The following NPHP1 variants were observed in gnomAD, a reference collection of about 807,000 sequenced individuals.
NPHP1 encodes nephrocystin 1, also known as nephrocystin-1.
Under a neutral mutation model 90.4 loss-of-function variants are expected in NPHP1, and 70 were observed. That is an observed-to-expected ratio of 0.77 (90% CI 0.64 to 0.95). NPHP1 has a LOEUF of 0.95. Ranked by LOEUF, NPHP1 falls within the 40% of genes least tolerant of loss-of-function variation. The probability of loss-of-function intolerance (pLI) is 0.00; values close to 1 mark genes in which losing one functional copy is unlikely to be tolerated. For missense variants in NPHP1, 764 were observed against 795.9 expected (o/e 0.96, Z 0.48); for synonymous variants, 256 against 271.7 (o/e 0.94, Z 0.57).
chr2:110,162,984 A>C, intron 9 of NPHP1, 64 bp downstream of exon 9: 1 of 1,117,716 alleles, frequency 8.9e-7, no homozygotes, highest in Non-Finnish European at 1.4e-6. Context: ...CTGTGACAGA[A>C]AAATTAGACG....
chr2:110,156,137 T>C (rs973182943), intron 11 of NPHP1, among the ~76,000 whole-genome samples: 2 of 151,132 alleles, frequency 1.3e-5, no homozygotes, highest in Non-Finnish European at 2.9e-5. Context: ...AGTGACATGA[T>C]CTCGGCTCAC....
chr2:110,201,623 G>A (rs1000285782), intron 1 of NPHP1, 129 bp from the exon 2 acceptor site: 1 of 685,686 alleles, frequency 1.5e-6, no homozygotes, highest in Non-Finnish European at 2.5e-6. Context: ...AAATTTTACA[G>A]TGAAAACCCA....
chr2:110,170,632 G>T (rs1683059538), intron 4 of NPHP1, among the ~76,000 whole-genome samples: 1 of 152,116 alleles, frequency 6.6e-6, no homozygotes, highest in African/African-American at 2.4e-5. Flanking sequence ...GGAGCTTGCA[G>T]TGAGACAATC....
At chr2:110,204,188 C>G (rs1685761408) in intron 1 of NPHP1, among the ~76,000 whole-genome samples, 1 of 152,166 alleles carries the variant, frequency 6.6e-6, no homozygotes, top group Admixed American at 6.5e-5. Context: ...AGCTGCTTTC[C>G]TGAAATGCTG....
intron 16 of NPHP1, among the ~76,000 whole-genome samples, chr2:110,135,944 T>A (rs1038653923): frequency 6.6e-6 from 1 of 152,162 alleles, no homozygotes; most frequent in African/African-American, 2.4e-5. Flanking sequence ...TAATTAAGCT[T>A]CATGGAATGC....
intron 12 of NPHP1, among the ~76,000 whole-genome samples, chr2:110,148,523 T>TAGCGTTTTTTAC (rs1681235014): frequency 1.3e-5 from 2 of 152,148 alleles, no homozygotes; most frequent in African/African-American, 4.8e-5. Context: ...AGTTTATGCC[T>TAGCGTTTTTTAC]TTGCATTATA....
chr2:110,154,393 A>G (rs1277300515), intron 11 of NPHP1, among the ~76,000 whole-genome samples: 1 of 152,172 alleles, frequency 6.6e-6, no homozygotes, highest in Non-Finnish European at 1.5e-5. Flanking sequence ...TGGGACCAGG[A>G]GTAGGGTGTT....
chr2:110,181,233 G>T (rs1312193045), intron 2 of NPHP1, among the ~76,000 whole-genome samples: 3 of 152,146 alleles, frequency 2.0e-5, no homozygotes, highest in Non-Finnish European at 4.4e-5. Flanking sequence ...AATACAAATG[G>T]TCCAGAAGAA....
At position 110,168,592 on chromosome 2, in the gene NPHP1, C is replaced by T. The variant is rs759253223; in HGVS notation, c.523-39G>A. 4 of 1,349,912 alleles carry T rather than the reference C, an allele frequency of 3.0e-6. No individual in the cohort carries two copies. The East Asian group carries it at 9.2e-5, about 31-fold the overall frequency. 83.6% of individuals were successfully genotyped at this position (1,349,912 alleles called of 1,614,324 possible). A position where few individuals can be genotyped will look rare whatever the true frequency, so the allele number is the denominator to read the frequency against. On this transcript the variant is annotated intron_variant, in intron 5 of 19. Transcript: ENST00000445609. ...AAAGTAAACCATTTTAAATAAAATT[C>T]AATAATCATGAGTATATGTCAATAC...
At chr2:110,157,681 T>C (rs1375364189) in intron 11 of NPHP1, among the ~76,000 whole-genome samples, 1 of 152,088 alleles carries the variant, frequency 6.6e-6, no homozygotes, top group Non-Finnish European at 1.5e-5. Flanking sequence ...CCAAGCTTCG[T>C]TGATTTTTAC....
chr2:110,152,221 C>T (rs1000286899), intron 11 of NPHP1, among the ~76,000 whole-genome samples: 2 of 151,816 alleles, frequency 1.3e-5, no homozygotes, highest in Non-Finnish European at 2.9e-5. Flanking sequence ...TGGGAGGCTA[C>T]GGCAGGGAGA....
intron 1 of NPHP1, among the ~76,000 whole-genome samples, chr2:110,203,057 G>A (rs932065429): frequency 3.9e-5 from 6 of 152,156 alleles, no homozygotes; most frequent in Non-Finnish European, 7.4e-5. Context: ...TAAAGAAAAT[G>A]TGGTACATAT....
At chr2:110,126,391 AG>A (rs1679371115) in intron 18 of NPHP1, 1 of 152,698 alleles carries the variant, frequency 6.5e-6, no homozygotes, top group Middle Eastern at 3.4e-3. Flanking sequence ...CTCAGCAGGG[AG>A]GCCCTGGGAT....
At chr2:110,146,876 T>A (rs1225001361) in intron 13 of NPHP1, 41 bp from the exon 14 acceptor site, 1 of 1,409,002 alleles carries the variant, frequency 7.1e-7, no homozygotes, top group Non-Finnish European at 1.0e-6. Flanking sequence ...AGGTCTGAAC[T>A]AGTCAAATTT....
intron 16 of NPHP1, among the ~76,000 whole-genome samples, chr2:110,139,119 T>A (rs1680440809): frequency 6.6e-6 from 1 of 151,836 alleles, no homozygotes; most frequent in South Asian, 2.1e-4. Flanking sequence ...ATTACCTTAT[T>A]TATTTTTAGC....
At position 110,166,903 on chromosome 2, in the gene NPHP1, T is replaced by G. The variant is rs13399520; in HGVS notation, c.624+1549A>C. Reference sequence around the variant, plus strand: ...GTAATACAATAGCCCTTTGGCCACATGTAGCTAGTGAGCTCTTGAAATTAA... The same window carrying G: ...GTAATACAATAGCCCTTTGGCCACAGGTAGCTAGTGAGCTCTTGAAATTAA... On this transcript the variant is annotated intron_variant, in intron 6 of 19. Coordinates refer to ENST00000445609, the MANE Select transcript of NPHP1 (RefSeq NM_001128178.3). Among the ~76,000 whole-genome samples, 1,086 of 152,254 alleles carry G rather than the reference T, an allele frequency of 7.1e-3. 13 individuals are homozygous for G. Among genetic ancestry groups the G allele is most frequent in the African/African-American group, 0.025 (1,021 of 41,552 alleles).
intron 12 of NPHP1, among the ~76,000 whole-genome samples, chr2:110,148,887 C>T (rs998264480): frequency 2.8e-4 from 42 of 152,282 alleles, no homozygotes; most frequent in African/African-American, 1.0e-3. Flanking sequence ...TGTATCCCTC[C>T]CTTCTTGACT....
chr2:110,193,652 T>C (rs1478281006), intron 2 of NPHP1, among the ~76,000 whole-genome samples: 1 of 152,122 alleles, frequency 6.6e-6, no homozygotes, highest in African/African-American at 2.4e-5. Context: ...CTGCACCAAG[T>C]GGACCTAATA....
intron 6 of NPHP1, among the ~76,000 whole-genome samples, chr2:110,166,035 T>C (rs1159138568): frequency 6.6e-6 from 1 of 152,174 alleles, no homozygotes; most frequent in Non-Finnish European, 1.5e-5. Flanking sequence ...TAAATGCACA[T>C]TAAACCACTA....
Sources: allele counts gnomAD v4.1 joint callset (sites outside exome capture counted in the v4.1 genomes callset), GRCh38; gene constraint gnomAD v4.1.1; transcripts MANE v1.5; gene names NCBI Gene and HGNC (gene_info 2026-07-23, HGNC 2026-07-21).